SECTM1: variants seen among roughly 807,000 people sequenced by gnomAD.
The protein encoded by SECTM1 is secreted and transmembrane protein 1.
A neutral mutation model predicts 18.1 loss-of-function variants in SECTM1; 10 were observed. That is an observed-to-expected ratio of 0.55 (90% CI 0.34 to 0.94). The LOEUF is 0.94. SECTM1 is among the 40% of genes least tolerant of loss of function. SECTM1 has a pLI of 0.02. For missense variants in SECTM1, 297 were observed against 322.6 expected, an observed-to-expected ratio of 0.92 and a Z score of 0.61; for synonymous variants, 137 against 139.2, an observed-to-expected ratio of 0.98 and a Z score of 0.11.
intron 1 of SECTM1, among the ~76,000 whole-genome samples, chr17:82,333,476 G>A (rs1039189656): frequency 4.0e-5 from 6 of 151,438 alleles, no homozygotes; most frequent in African/African-American, 1.5e-4. Flanking sequence ...GGGCCAGCGG[G>A]GGGTGACGGT....
At chr17:82,322,467 T>A (rs2147265755) in intron 4 of SECTM1, 97 bp from the exon 5 acceptor site, 1 of 1,167,184 alleles carries the variant, frequency 8.6e-7, no homozygotes, top group Non-Finnish European at 1.3e-6. Context: ...GCATACGTGC[T>A]CATGCACACC....
intron 1 of SECTM1, among the ~76,000 whole-genome samples, chr17:82,333,393 C>T (rs1005035532): frequency 6.6e-6 from 1 of 152,138 alleles, no homozygotes; most frequent in Non-Finnish European, 1.5e-5. Flanking sequence ...CCACACCGGC[C>T]GGCAGCTCGT....
In SECTM1 at chr17:82,327,142, C is replaced by A; in HGVS notation, c.94+5G>T. The A allele has an allele frequency of 6.3e-7, 1 of 1,599,340 alleles. No homozygotes were observed. The highest frequency in any genetic ancestry group is 2.3e-5 in the East Asian group (1 of 44,158). ...CCAGCAGAGAGGCGGGGCCCCGAGA[C>A]CTACCTTCATTCTGAGCACTCAAGG... is the stretch of plus-strand genomic sequence containing the variant. On this transcript the variant is annotated splice_donor_5th_base_variant and intron_variant, in intron 2 of 4. Transcript: ENST00000269389.
intron 1 of SECTM1, among the ~76,000 whole-genome samples, chr17:82,332,879 G>A (rs574338350): frequency 6.6e-6 from 1 of 152,328 alleles, no homozygotes; most frequent in South Asian, 2.1e-4. Flanking sequence ...GGCCTCCTAC[G>A]CGGGCTCCTG....
In SECTM1 at chr17:82,329,300, G is replaced by A. The variant is rs573992190; in HGVS notation, c.-52-2008C>T. ...CGTGGAAGACCCTGCCAGCCGCAGA[G>A]TGCAGGTGTGGGGACACTGTCACTG... On this transcript the variant is annotated intron_variant, in intron 1 of 4. Transcript: ENST00000269389. This position sits in a 1 kb window ranked among gnomAD's most constrained non-coding sequence, Gnocchi z 7.6. 1 of 152,302 alleles carries A rather than the reference G, an allele frequency of 6.6e-6. No individual in the cohort carries two copies. Among genetic ancestry groups the A allele is most frequent in the East Asian group, 1.9e-4 (1 of 5,164 alleles). The allele number at this position is 152,302 out of a possible 1,614,324, so 9.4% of individuals were successfully genotyped here. A position where few individuals can be genotyped will look rare whatever the true frequency, so the allele number is the denominator to read the frequency against.
chr17:82,328,978 TATTTATAGATGTCTATAG>T lies in SECTM1; in HGVS notation c.-52-1704_-52-1687del, dbSNP rs1158057327. 2.6e-5 allele frequency among the ~76,000 whole-genome samples: 4 copies of T among 152,218 alleles called. No individual in the cohort carries two copies. The highest frequency in any genetic ancestry group is 9.7e-5 in the African/African-American group (4 of 41,450). ...TCTGTAAAGCGACCTTCAGACGTGC[TATTTATAGATGTCTATAG>T]ATTTATAGATGTGTGTTTCTCCAAA... On this transcript the variant is annotated intron_variant, in intron 1 of 4. Transcript: ENST00000269389. This position sits in a 1 kb window ranked among gnomAD's most constrained non-coding sequence, Gnocchi z 5.8.
Position 82,322,121 on chromosome 17 carries a change from CAG to C in SECTM1, c.*38_*39del. On this transcript the variant is annotated 3_prime_UTR_variant, in exon 5 of 5. Coordinates refer to ENST00000269389, the MANE Select transcript of SECTM1 (RefSeq NM_003004.3). ...GGCCCCGCCACCCAAGGTCGGCACT[CAG>C]GGCTGGCTCTCCTGTGTCCTCTCTG... 1.9e-6 allele frequency: 3 copies of C among 1,606,432 alleles called. No homozygotes were observed. Among genetic ancestry groups the C allele is most frequent in the Non-Finnish European group, 1.7e-6 (2 of 1,174,044 alleles).
In SECTM1 at chr17:82,329,659, C is replaced by T. The variant is rs1315462588; in HGVS notation, c.-52-2367G>A. Among the ~76,000 whole-genome samples, 3 of 152,110 alleles carry T rather than the reference C, an allele frequency of 2.0e-5. No homozygotes were observed. Among genetic ancestry groups the T allele is most frequent in the South Asian group, 2.1e-4 (1 of 4,798 alleles). On this transcript the variant is annotated intron_variant, in intron 1 of 4. Transcript: ENST00000269389. The surrounding 1 kb of genome is among the most constrained non-coding windows in gnomAD (Gnocchi z 7.6). ...CAGCATTCTAGATTAGCTGGAAGTC[C>T]GACGGGGTCTCCCTGGGTTAAAATC...
At chr17:82,323,085 A>C in intron 3 of SECTM1, 74 bp from the exon 4 acceptor site, 1 of 1,487,008 alleles carries the variant, frequency 6.7e-7, no homozygotes, top group Non-Finnish European at 9.1e-7. Flanking sequence ...TGTAGCTCCC[A>C]GCCTCCTCCT....
In SECTM1 at chr17:82,329,904, G is replaced by T. The variant is rs1050663490; in HGVS notation, c.-52-2612C>A. On this transcript the variant is annotated intron_variant, in intron 1 of 4. Transcript: ENST00000269389. This position sits in a 1 kb window ranked among gnomAD's most constrained non-coding sequence, Gnocchi z 7.6. ...TCAAGGGCCCCCCTGGGTGACCCAG[G>T]ACACATGCCCCAGCTCAGCACCCGA... is the stretch of plus-strand genomic sequence containing the variant. Among the ~76,000 whole-genome samples the T allele has an allele frequency of 1.3e-5, 2 of 152,168 alleles. No individual in the cohort carries two copies. The highest frequency in any genetic ancestry group is 4.8e-5 in the African/African-American group (2 of 41,422).
chr17:82,333,060 G>A (rs2052204699), intron 1 of SECTM1, among the ~76,000 whole-genome samples: 2 of 151,978 alleles, frequency 1.3e-5, no homozygotes, highest in South Asian at 2.1e-4. Flanking sequence ...AGGGCCTGCC[G>A]GGTGAGGGAA....
At chr17:82,327,705 G>A (rs796884936) in intron 1 of SECTM1, among the ~76,000 whole-genome samples, 7 of 152,074 alleles carry the variant, frequency 4.6e-5, no homozygotes, top group Non-Finnish European at 8.8e-5. Context: ...CCTCACCAAC[G>A]CTAAGCATGA....
At position 82,321,793 on chromosome 17, in the gene SECTM1, C is replaced by T. The variant is rs2052091681; in HGVS notation, c.*368G>A. The T allele has an allele frequency of 4.2e-6, 1 of 236,626 alleles. No individual in the cohort carries two copies. Among genetic ancestry groups the T allele is most frequent in the Admixed American group, 5.2e-5 (1 of 19,278 alleles). 14.7% of individuals were successfully genotyped at this position (236,626 alleles called of 1,614,324 possible). ...TGAGGCTCCGGCAGGGGCCCCCTCA[C>T]TTGGGCGCGGAGCCCTGGGAGTGGA... On this transcript the variant is annotated 3_prime_UTR_variant, in exon 5 of 5. Transcript: ENST00000269389.
At chr17:82,333,170 G>A (rs1340117199) in intron 1 of SECTM1, among the ~76,000 whole-genome samples, 1 of 152,244 alleles carries the variant, frequency 6.6e-6, no homozygotes, top group Non-Finnish European at 1.5e-5. Flanking sequence ...GCTCATGTGC[G>A]TGTGTCCACC....
rs979723288 is a variant in SECTM1, at chr17:82,325,707, T to G, written c.95-817A>C. 6.6e-6 allele frequency among the ~76,000 whole-genome samples: 1 copy of G among 152,144 alleles called. No individual in the cohort carries two copies. The highest frequency in any genetic ancestry group is 6.5e-5 in the Admixed American group (1 of 15,286). On this transcript the variant is annotated intron_variant, in intron 2 of 4. Coordinates refer to ENST00000269389, the MANE Select transcript of SECTM1 (RefSeq NM_003004.3). The surrounding 1 kb of genome is among the most constrained non-coding windows in gnomAD (Gnocchi z 7.6). ...CCCCAGCAGCCAGCTCAAGGATGCC[T>G]GAGATTCAGGCCGTCGGGCCCGAGC...
chr17:82,330,949 C>T lies in SECTM1; in HGVS notation c.-53+2751G>A, dbSNP rs983866426. Among the ~76,000 whole-genome samples, 1 of 152,222 alleles carries T rather than the reference C, an allele frequency of 6.6e-6. No individual in the cohort carries two copies. Among genetic ancestry groups the T allele is most frequent in the Non-Finnish European group, 1.5e-5 (1 of 68,048 alleles). On this transcript the variant is annotated intron_variant, in intron 1 of 4. Transcript: ENST00000269389. The surrounding 1 kb of genome is among the most constrained non-coding windows in gnomAD (Gnocchi z 6.1). ...TCCCCACCAAGTCCCTTTAGCCCAACTGTGGTGGCGGCCGCTGCTTCTCAC... is the reference window on the plus strand; with the variant it reads ...TCCCCACCAAGTCCCTTTAGCCCAATTGTGGTGGCGGCCGCTGCTTCTCAC...
At chr17:82,322,830 C>T in intron 4 of SECTM1, 48 bp downstream of exon 4, 1 of 1,605,368 alleles carries the variant, frequency 6.2e-7, no homozygotes, top group African/African-American at 1.3e-5. Flanking sequence ...GGGGCAGCCC[C>T]ACCCAAGACT....
rs1388759454 is a variant in SECTM1, at chr17:82,330,058, A to G, written c.-52-2766T>C. ...GCGGTGGGAGACCCAGGCCACCTGC[A>G]GACCCCTGCATGGAGGTGAGGTTCA... On this transcript the variant is annotated intron_variant, in intron 1 of 4. Transcript: ENST00000269389. This position sits in a 1 kb window ranked among gnomAD's most constrained non-coding sequence, Gnocchi z 6.1. Among the ~76,000 whole-genome samples the G allele has an allele frequency of 6.6e-6, 1 of 152,168 alleles. No homozygotes were observed. Among genetic ancestry groups the G allele is most frequent in the Non-Finnish European group, 1.5e-5 (1 of 68,014 alleles).
At chr17:82,333,643 T>TCCCCAGCACCGAGA in intron 1 of SECTM1, 57 bp downstream of exon 1, 2 of 147,642 alleles carry the variant, frequency 1.4e-5, no homozygotes, top group African/African-American at 6.7e-5. Context: ...CAGCACCGAG[T>TCCCCAGCACCGAGA]CCCCAGCACC....
Sources: allele counts gnomAD v4.1 joint callset (sites outside exome capture counted in the v4.1 genomes callset), GRCh38; gene constraint gnomAD v4.1.1; non-coding constraint Gnocchi (gnomAD v3.1); transcripts MANE v1.5; gene names NCBI Gene and HGNC (gene_info 2026-07-23, HGNC 2026-07-21).